CHCHD2: variants seen among roughly 807,000 people sequenced by gnomAD.
The protein encoded by CHCHD2 is coiled-coil-helix-coiled-coil-helix domain-containing protein 2.
A neutral mutation model predicts 17.5 loss-of-function variants in CHCHD2; 17 were observed. The ratio of observed to expected loss-of-function variants is 0.97; its 90% CI spans 0.67 to 1.46. The LOEUF is 1.46. Ranked by LOEUF, CHCHD2 falls within the 40% of genes most tolerant of loss-of-function variation. The pLI, the probability that CHCHD2 is intolerant of heterozygous loss-of-function variation, is 0.00. For synonymous variants in CHCHD2, 63 were observed against 74.3 expected (o/e 0.85, Z 0.78); for missense variants, 175 against 199.9 (o/e 0.88, Z 0.75).
chr7:56,101,914 A>G (rs370190372), intron 3 of CHCHD2, 53 bp from the exon 4 acceptor site: 62 of 1,552,324 alleles, frequency 4.0e-5, no homozygotes, highest in Non-Finnish European at 5.2e-5. Flanking sequence ...ATACTCAATA[A>G]AACAGAAGCC....
chr7:56,103,046 G>C (rs1253151011), intron 2 of CHCHD2, 35 bp from the exon 3 acceptor site: 2 of 1,612,702 alleles, frequency 1.2e-6, no homozygotes, highest in African/African-American at 2.7e-5. Context: ...TGCTGAGAAA[G>C]AAAATCATAC....
intron 2 of CHCHD2, among the ~76,000 whole-genome samples, chr7:56,103,229 C>G (rs992306136): frequency 1.3e-5 from 2 of 152,122 alleles, no homozygotes; most frequent in African/African-American, 2.4e-5. Flanking sequence ...CCTGTAATTC[C>G]AACACTTTGG....
chr7:56,103,110 A>G, intron 2 of CHCHD2, 99 bp from the exon 3 acceptor site: 2 of 1,183,902 alleles, frequency 1.7e-6, no homozygotes, highest in Middle Eastern at 1.9e-4. Flanking sequence ...TGGAAAATGG[A>G]ACTAGCACCA....
chr7:56,106,248 C>G (rs1359764319), intron 1 of CHCHD2, 116 bp downstream of exon 1: 3 of 901,816 alleles, frequency 3.3e-6, no homozygotes, highest in Non-Finnish European at 3.4e-6. Flanking sequence ...CTGGCAGAGG[C>G]GAGCCCACGC....
At chr7:56,104,609 C>T (rs1785350760) in intron 1 of CHCHD2, 134 bp from the exon 2 acceptor site, 1 of 1,031,520 alleles carries the variant, frequency 9.7e-7, no homozygotes, top group Non-Finnish European at 1.4e-6. Context: ...TTTCTCTCTT[C>T]AATTTTTTTT....
At position 56,104,084 on chromosome 7, in the gene CHCHD2, ATG is replaced by A. The variant is rs374584951; in HGVS notation, c.300+140_300+141del. ...CCTAAGGCAGTAACTCAACGGCCAA[ATG>A]TGGCTTTAAAACCCATTGTCTATTA... On this transcript the variant is annotated intron_variant, in intron 2 of 3. Transcript: ENST00000395422. 1.2e-4 allele frequency: 136 copies of A among 1,103,162 alleles called. No homozygotes were observed. The Middle Eastern group carries it at 1.3e-3, about 10-fold the overall frequency. The allele number at this position is 1,103,162 out of a possible 1,614,324, so 68.3% of individuals were successfully genotyped here. A position where few individuals can be genotyped will look rare whatever the true frequency, so the allele number is the denominator to read the frequency against.
chr7:56,101,973 G>A, intron 3 of CHCHD2, 112 bp from the exon 4 acceptor site: 1 of 1,051,004 alleles, frequency 9.5e-7, no homozygotes, highest in East Asian at 2.5e-5. Flanking sequence ...TGGGTTTTTT[G>A]TTTTTTGTTT....
chr7:56,106,243 A>C, intron 1 of CHCHD2, 121 bp downstream of exon 1: 1 of 834,324 alleles, frequency 1.2e-6, no homozygotes, highest in Non-Finnish European at 1.9e-6. Context: ...CCCGCCTGGC[A>C]GAGGCGAGCC....
intron 3 of CHCHD2, among the ~76,000 whole-genome samples, chr7:56,102,104 GTT>G (rs959752679): frequency 4.0e-5 from 6 of 151,868 alleles, no homozygotes; most frequent in African/African-American, 1.5e-4. Context: ...GAAGGTTATG[GTT>G]TTGTTTGTAA....
chr7:56,101,840 G>A lies in CHCHD2; in HGVS notation c.*11C>T, dbSNP rs2115570431. The A allele has an allele frequency of 6.2e-7, 1 of 1,611,538 alleles. No homozygotes were observed. Among genetic ancestry groups the A allele is most frequent in the East Asian group, 2.2e-5 (1 of 44,844 alleles). On this transcript the variant is annotated 3_prime_UTR_variant, in exon 4 of 4. Coordinates refer to ENST00000395422, the MANE Select transcript of CHCHD2 (RefSeq NM_016139.4). The stretch of plus-strand genomic sequence containing the variant: ...AGCTGATTTTCCATCTCTCCAGGTT[G>A]AACTTCTTCATTAGGCCAATCCTGC...
intron 3 of CHCHD2, among the ~76,000 whole-genome samples, chr7:56,102,391 T>G (rs1032416012): frequency 1.3e-5 from 2 of 150,688 alleles, no homozygotes; most frequent in Non-Finnish European, 3.0e-5. Flanking sequence ...TGTCTCCCAC[T>G]GGAGACACCC....
Position 56,104,450 on chromosome 7 carries a change from G to A in CHCHD2, c.76C>T (p.Pro26Ser). 1.9e-6 allele frequency: 3 copies of A among 1,601,660 alleles called. No homozygotes were observed. The highest frequency in any genetic ancestry group is 2.6e-6 in the Non-Finnish European group (3 of 1,172,008). ...ASRAPQMRAA[P>S]RPAPVAQPPA... ...GGCTGAGCGACTGGTGCTGGCCTGG[G>A]TGCAGCTCTCATCTGAGGGGCCCGG... Residue 26 changes from proline to serine, a missense_variant, in exon 2 of 4, where the codon CCC becomes TCC. Physicochemically the swap from Pro to Ser is moderately conservative, Grantham distance 74 (BLOSUM62 -1). Transcript: ENST00000395422.
chr7:56,105,176 G>A (rs1785360025), intron 1 of CHCHD2, among the ~76,000 whole-genome samples: 1 of 152,148 alleles, frequency 6.6e-6, no homozygotes, highest in Non-Finnish European at 1.5e-5. Flanking sequence ...CTCCCAAAGT[G>A]TTGGGATTAC....
At chr7:56,102,843 A>T (rs1317601785) in intron 3 of CHCHD2, 24 bp downstream of exon 3, 1 of 1,613,166 alleles carries the variant, frequency 6.2e-7, no homozygotes, top group Admixed American at 1.7e-5. Context: ...AATTAAGCAG[A>T]TGTAAATTGG....
chr7:56,104,516 A>C, intron 1 of CHCHD2, 41 bp from the exon 2 acceptor site: 2 of 1,490,666 alleles, frequency 1.3e-6, no homozygotes, highest in Non-Finnish European at 1.8e-6. Flanking sequence ...CCCAATTCCA[A>C]CCAGTTTTGG....
chr7:56,104,625 G>A, intron 1 of CHCHD2, 150 bp from the exon 2 acceptor site: 1 of 797,370 alleles, frequency 1.3e-6, no homozygotes, highest in Non-Finnish European at 1.8e-6. Context: ...TTTTTTTTTT[G>A]AGATGGAGCT....
At position 56,105,193 on chromosome 7, in the gene CHCHD2, G is replaced by A. The variant is rs372478904; in HGVS notation, c.51-718C>T. 3.3e-5 allele frequency among the ~76,000 whole-genome samples: 5 copies of A among 152,328 alleles called. No homozygotes were observed. The East Asian group carries it at 7.7e-4, about 23-fold the overall frequency. On this transcript the variant is annotated intron_variant, in intron 1 of 3. Transcript: ENST00000395422. ...CCCAAAGTGTTGGGATTACAGGCAT[G>A]AGCCACCACGCCCGGCCACTTTAAT...
chr7:56,106,338 G>T, intron 1 of CHCHD2, 26 bp downstream of exon 1: 1 of 1,610,816 alleles, frequency 6.2e-7, no homozygotes, highest in Non-Finnish European at 8.5e-7. Flanking sequence ...GCCGCGCTTT[G>T]GTCTCAAACC....
Position 56,101,816 on chromosome 7 carries a change from G to A in CHCHD2, c.*35C>T, listed in dbSNP as rs367719210. On this transcript the variant is annotated 3_prime_UTR_variant, in exon 4 of 4. Transcript: ENST00000395422. Reference sequence around the variant, plus strand: ...ATACTAAATTAACTTAGTTATGAGAGCTGATTTTCCATCTCTCCAGGTTGA... The same window carrying A: ...ATACTAAATTAACTTAGTTATGAGAACTGATTTTCCATCTCTCCAGGTTGA... 2 of 1,594,710 alleles carry A rather than the reference G, an allele frequency of 1.3e-6. No individual in the cohort carries two copies. The highest frequency in any genetic ancestry group is 2.7e-5 in the African/African-American group (2 of 74,290).
Sources: gnomAD v4.1 joint callset for allele counts (sites outside exome capture counted in the v4.1 genomes callset) on GRCh38, gnomAD v4.1.1 for gene constraint, MANE v1.5 for transcripts, NCBI Gene and HGNC (gene_info 2026-07-23, HGNC 2026-07-21) for gene names.